Variants in PIK3CB observed in about 807,000 individuals in gnomAD.
PIK3CB encodes phosphatidylinositol 4,5-bisphosphate 3-kinase catalytic subunit beta isoform.
In PIK3CB, 39 loss-of-function variants were observed where a neutral mutation model predicts 136.8. The ratio of observed to expected loss-of-function variants is 0.29; its 90% CI spans 0.22 to 0.37. The LOEUF is 0.37. Among genes scored for constraint, PIK3CB ranks in the 10% least tolerant of loss-of-function variants. The pLI is 1.00. For missense variants in PIK3CB, 868 were observed against 1,275.4 expected (o/e 0.68, Z 4.87); for synonymous variants, 428 against 436.6 (o/e 0.98, Z 0.25).
intron 19 of PIK3CB, among the ~76,000 whole-genome samples, chr3:138,679,419 C>G (rs2043716513): frequency 6.6e-6 from 1 of 151,914 alleles, no homozygotes; most frequent in Non-Finnish European, 1.5e-5. Context: ...CCTTGGCCTT[C>G]CAAAATATTA....
chr3:138,792,310 C>G (rs55795735), intron 2 of PIK3CB, among the ~76,000 whole-genome samples: 3 of 151,978 alleles, frequency 2.0e-5, no homozygotes, highest in Non-Finnish European at 4.4e-5. Flanking sequence ...ACAATAACAC[C>G]TATTCACAAG....
rs1263555337 is a variant in PIK3CB at position 138,834,823 on chromosome 3, G to C, written c.-250C>G. ...CTCGATCACCTCCCGCCTGCCCCGC[G>C]CAGCACTACACTCGCCCCCTCCCCA... On this transcript the variant is annotated 5_prime_UTR_variant, in exon 1 of 24. Transcript: ENST00000674063. 1 of 152,572 alleles carries C rather than the reference G, an allele frequency of 6.6e-6. No homozygotes were observed. The highest frequency in any genetic ancestry group is 2.4e-5 in the African/African-American group (1 of 41,338). 9.5% of individuals were successfully genotyped at this position (152,572 alleles called of 1,614,324 possible).
At chr3:138,714,741 CA>C (rs778488397) in intron 8 of PIK3CB, 22 bp from the exon 9 acceptor site, 5 of 1,562,574 alleles carry the variant, frequency 3.2e-6, no homozygotes, top group Admixed American at 4.1e-5. Flanking sequence ...CAGACAAAAA[CA>C]AAAACAAAGT....
At chr3:138,770,738 G>A (rs1287391425) in intron 2 of PIK3CB, among the ~76,000 whole-genome samples, 1 of 152,072 alleles carries the variant, frequency 6.6e-6, no homozygotes, top group African/African-American at 2.4e-5. Flanking sequence ...TTGAGACTAA[G>A]TCTTGCTCTG....
In PIK3CB at chr3:138,708,681, G is replaced by T. The variant is rs115354634; in HGVS notation, c.1400-1392C>A. Among the ~76,000 whole-genome samples, 308 of 150,288 alleles carry T rather than the reference G, an allele frequency of 2.0e-3. 1 individual carries two copies. The highest frequency in any genetic ancestry group is 7.2e-3 in the African/African-American group (292 of 40,772). On this transcript the variant is annotated intron_variant, in intron 10 of 23. Coordinates refer to ENST00000674063, the MANE Select transcript of PIK3CB (RefSeq NM_006219.3). ...TGGATACAAACTCCTAGCCCCAAAC[G>T]ATCCTCCTGCCTCAAGCACCTGAGT...
At position 138,826,670 on chromosome 3, in the gene PIK3CB, T is replaced by C. The variant is rs1342892446; in HGVS notation, c.-122+8025A>G. ...AAAGATATGGTAACTCTAAACCAAA[T>C]AGTTCAGAGCATACATACACATACA... On this transcript the variant is annotated intron_variant, in intron 1 of 23. Transcript: ENST00000674063. 4.0e-5 allele frequency among the ~76,000 whole-genome samples: 6 copies of C among 151,426 alleles called. No individual in the cohort carries two copies. In the East Asian group the frequency reaches 1.2e-3, roughly 29 times the overall value.
intron 5 of PIK3CB, among the ~76,000 whole-genome samples, chr3:138,738,461 A>G (rs2045162187): frequency 6.6e-6 from 1 of 152,098 alleles, no homozygotes; most frequent in Non-Finnish European, 1.5e-5. Flanking sequence ...ACGAGCCACC[A>G]TGCCCGGCCA....
chr3:138,767,610 G>A (rs1372227595), intron 2 of PIK3CB, among the ~76,000 whole-genome samples: 1 of 152,212 alleles, frequency 6.6e-6, no homozygotes, highest in African/African-American at 2.4e-5. Flanking sequence ...TGACTGCCAA[G>A]GGAGACTGTG....
intron 21 of PIK3CB, 138 bp downstream of exon 21, chr3:138,663,768 G>A: frequency 1.3e-6 from 1 of 755,680 alleles, no homozygotes; most frequent in African/African-American, 1.8e-5. Flanking sequence ...GAAACGAGAG[G>A]TAGTGAGAAA....
In PIK3CB at chr3:138,821,270, G is replaced by A. The variant is rs529607753; in HGVS notation, c.-122+13425C>T. On this transcript the variant is annotated intron_variant, in intron 1 of 23. Transcript: ENST00000674063. The stretch of plus-strand genomic sequence containing the variant: ...CTGCACTCCAGCTTGGCGACAGAAC[G>A]AGACTCCGTCTCAAAAAAAAAAACA... 3.5e-5 allele frequency among the ~76,000 whole-genome samples: 5 copies of A among 141,646 alleles called. No individual in the cohort carries two copies. The East Asian group carries it at 8.3e-4, about 23-fold the overall frequency. The allele number at this position is 141,646 out of a possible 152,430, so 92.9% of individuals were successfully genotyped here. A position where few individuals can be genotyped will look rare whatever the true frequency, so the allele number is the denominator to read the frequency against.
At chr3:138,792,960 TCTTA>T (rs2046069475) in intron 2 of PIK3CB, among the ~76,000 whole-genome samples, 1 of 152,178 alleles carries the variant, frequency 6.6e-6, no homozygotes. Flanking sequence ...GGATTTCTTA[TCTTA>T]CTTTTTTTAA....
intron 2 of PIK3CB, among the ~76,000 whole-genome samples, chr3:138,767,718 T>C (rs1306182919): frequency 6.6e-6 from 1 of 152,182 alleles, no homozygotes; most frequent in African/African-American, 2.4e-5. Flanking sequence ...CAGGTGCCAG[T>C]ACGGGCACCA....
At chr3:138,824,293 C>G (rs572651801) in intron 1 of PIK3CB, among the ~76,000 whole-genome samples, 1 of 152,194 alleles carries the variant, frequency 6.6e-6, no homozygotes, top group Non-Finnish European at 1.5e-5. Flanking sequence ...GCCTGAAGCA[C>G]CAGAAGACAA....
chr3:138,807,920 C>G (rs2046251718), intron 1 of PIK3CB, among the ~76,000 whole-genome samples: 1 of 151,702 alleles, frequency 6.6e-6, no homozygotes, highest in African/African-American at 2.4e-5. Flanking sequence ...GTCTGGCTTC[C>G]AAGATGCCTT....
rs576543356 is a variant in PIK3CB, at chr3:138,780,731, C to T, written c.-17+15732G>A. Among the ~76,000 whole-genome samples the T allele has an allele frequency of 9.9e-5, 15 of 152,206 alleles. No homozygotes were observed. In the East Asian group the frequency reaches 2.7e-3, roughly 27 times the overall value. ...TCATGCAGGCTGGAATACAGTGGCG[C>T]CATCTTAGCTCACTATAGCCTCTAC... On this transcript the variant is annotated intron_variant, in intron 2 of 23. Transcript: ENST00000674063.
At chr3:138,793,680 T>C (rs2046078319) in intron 2 of PIK3CB, among the ~76,000 whole-genome samples, 1 of 151,354 alleles carries the variant, frequency 6.6e-6, no homozygotes, top group African/African-American at 2.4e-5. Context: ...AGAATTCCAG[T>C]GTTTCTACAA....
chr3:138,656,035 A>G, intron 23 of PIK3CB, 107 bp downstream of exon 23: 1 of 1,134,422 alleles, frequency 8.8e-7, no homozygotes, highest in Non-Finnish European at 1.3e-6. Context: ...ACCATCTTAG[A>G]GGAAATGACT....
At chr3:138,737,079 T>C (rs1186387792) in intron 6 of PIK3CB, among the ~76,000 whole-genome samples, 2 of 151,874 alleles carry the variant, frequency 1.3e-5, no homozygotes, top group Non-Finnish European at 1.5e-5. Flanking sequence ...ATTATAAGGC[T>C]AACTAAAACA....
In PIK3CB at chr3:138,655,322, A is replaced by G. The variant is rs535653716; in HGVS notation, c.*67T>C. The G allele has an allele frequency of 1.7e-4, 250 of 1,500,674 alleles. 1 individual carries two copies. In the East Asian group the frequency reaches 3.8e-3, roughly 23 times the overall value. 93.0% of individuals were successfully genotyped at this position (1,500,674 alleles called of 1,614,324 possible). A position where few individuals can be genotyped will look rare whatever the true frequency, so the allele number is the denominator to read the frequency against. On this transcript the variant is annotated 3_prime_UTR_variant, in exon 24 of 24. Coordinates refer to ENST00000674063, the MANE Select transcript of PIK3CB (RefSeq NM_006219.3). ...AACATCTCTAACAGGGTCATGTTCA[A>G]TTTAGTGCAAGTGCAAAATGAAAAT...
Sources: allele counts gnomAD v4.1 joint callset (sites outside exome capture counted in the v4.1 genomes callset), GRCh38; gene constraint gnomAD v4.1.1; transcripts MANE v1.5; gene names NCBI Gene and HGNC (gene_info 2026-07-23, HGNC 2026-07-21).